The following MAGI2 variants were observed in gnomAD, a reference collection of about 807,000 sequenced individuals.
The protein encoded by MAGI2 is membrane-associated guanylate kinase, WW and PDZ domain-containing protein 2.
Under a neutral mutation model 133.3 loss-of-function variants are expected in MAGI2, and 35 were observed. The ratio of observed to expected loss-of-function variants is 0.26; its 90% CI spans 0.20 to 0.35. The LOEUF (loss-of-function observed/expected upper bound fraction) is 0.35. Ranked by LOEUF, MAGI2 falls within the 10% of genes least tolerant of loss-of-function variation. The probability of loss-of-function intolerance (pLI) is 1.00; values close to 1 mark genes in which losing one functional copy is unlikely to be tolerated. For missense variants in MAGI2, 1,636 were observed against 1,863.4 expected (o/e 0.88, Z 2.25); for synonymous variants, 729 against 710.6 (o/e 1.03, Z -0.41).
intron 1 of MAGI2, among the ~76,000 whole-genome samples, chr7:79,352,386 G>C (rs1025841806): frequency 6.6e-6 from 1 of 152,190 alleles, no homozygotes; most frequent in African/African-American, 2.4e-5. Flanking sequence ...AGTCCAAAAA[G>C]ACAGCTTTCT....
intron 2 of MAGI2, among the ~76,000 whole-genome samples, chr7:78,958,403 C>T (rs1040425804): frequency 5.3e-5 from 8 of 152,136 alleles, no homozygotes; most frequent in Non-Finnish European, 8.8e-5. Flanking sequence ...ATGTGTGTGA[C>T]AGTTCTTATT....
chr7:78,378,822 G>A (rs1794677873), intron 6 of MAGI2, among the ~76,000 whole-genome samples: 1 of 151,726 alleles, frequency 6.6e-6, no homozygotes, highest in East Asian at 1.9e-4. Flanking sequence ...ATGAAAGGTG[G>A]GGACAAAGAT....
intron 1 of MAGI2, among the ~76,000 whole-genome samples, chr7:79,203,434 C>T (rs1828779710): frequency 6.6e-6 from 1 of 152,004 alleles, no homozygotes; most frequent in South Asian, 2.1e-4. Context: ...TTTTAATCCT[C>T]CTTCCTCTCT....
At chr7:78,293,036 T>C (rs1412479676) in intron 9 of MAGI2, among the ~76,000 whole-genome samples, 1 of 152,200 alleles carries the variant, frequency 6.6e-6, no homozygotes, top group Non-Finnish European at 1.5e-5. Flanking sequence ...GAAGACTTTA[T>C]GACTGAAACA....
rs566396520 is a variant in MAGI2, at chr7:78,832,795, C to A, written c.418+174295G>T. Among the ~76,000 whole-genome samples, 4 of 152,264 alleles carry A rather than the reference C, an allele frequency of 2.6e-5. No homozygotes were observed. The South Asian group carries it at 8.3e-4, about 32-fold the overall frequency. The stretch of plus-strand genomic sequence containing the variant: ...TTGGACTGCCAGAACGAGCCAACAG[C>A]ATGTGATGTGCTTCCCCCTGCAGAG... On this transcript the variant is annotated intron_variant, in intron 2 of 21. Coordinates refer to ENST00000354212, the MANE Select transcript of MAGI2 (RefSeq NM_012301.4).
intron 1 of MAGI2, among the ~76,000 whole-genome samples, chr7:79,149,689 G>C (rs1379287058): frequency 6.6e-6 from 1 of 152,034 alleles, no homozygotes; most frequent in African/African-American, 2.4e-5. Context: ...CAAGATCCAG[G>C]GAACCTCAGG....
At chr7:79,365,291 A>C (rs1842626557) in intron 1 of MAGI2, among the ~76,000 whole-genome samples, 1 of 152,340 alleles carries the variant, frequency 6.6e-6, no homozygotes, top group South Asian at 2.1e-4. Context: ...TTGAAGGGAT[A>C]CAAAATGGTA....
intron 2 of MAGI2, among the ~76,000 whole-genome samples, chr7:78,745,901 A>G (rs1002740130): frequency 3.9e-5 from 6 of 152,146 alleles, no homozygotes; most frequent in Non-Finnish European, 1.5e-5. Context: ...TAATTTTTCA[A>G]TGGATCTCTT....
intron 3 of MAGI2, among the ~76,000 whole-genome samples, chr7:78,566,384 G>C (rs1410060593): frequency 6.6e-6 from 1 of 151,926 alleles, no homozygotes; most frequent in Non-Finnish European, 1.5e-5. Flanking sequence ...TGAGAATGGC[G>C]GTTGGAACAG....
intron 10 of MAGI2, among the ~76,000 whole-genome samples, chr7:78,207,836 A>G (rs1787259597): frequency 6.6e-6 from 1 of 152,144 alleles, no homozygotes; most frequent in Non-Finnish European, 1.5e-5. Flanking sequence ...AATTTCACAT[A>G]ACTACCATCT....
chr7:78,811,544 G>A (rs1193396561), intron 2 of MAGI2, among the ~76,000 whole-genome samples: 1 of 151,930 alleles, frequency 6.6e-6, no homozygotes, highest in Non-Finnish European at 1.5e-5. Context: ...TCTTTATAAA[G>A]GTCATTTATT....
intron 1 of MAGI2, among the ~76,000 whole-genome samples, chr7:79,075,367 A>C (rs1254188438): frequency 6.6e-6 from 1 of 152,168 alleles, no homozygotes; most frequent in East Asian, 1.9e-4. Context: ...AGTTGGAGTC[A>C]GCTTGTGGGT....
intron 6 of MAGI2, among the ~76,000 whole-genome samples, chr7:78,401,715 G>A (rs7793461): frequency 0.061 from 9,227 of 151,882 alleles, 333 homozygotes; most frequent in South Asian, 0.09. Flanking sequence ...AGAATACATC[G>A]ACAGCTGTTA....
chr7:79,112,034 T>A (rs1818971305), intron 1 of MAGI2, among the ~76,000 whole-genome samples: 1 of 152,108 alleles, frequency 6.6e-6, no homozygotes, highest in East Asian at 1.9e-4. Context: ...TAGTACTCCA[T>A]GCTGTGTCAG....
At chr7:78,508,262 A>G (rs372338558) in intron 4 of MAGI2, among the ~76,000 whole-genome samples, 5 of 151,534 alleles carry the variant, frequency 3.3e-5, no homozygotes, top group African/African-American at 7.3e-5. Context: ...GGACTTCACC[A>G]TATGAATCTG....
At chr7:78,741,969 G>A (rs1822479606) in intron 2 of MAGI2, among the ~76,000 whole-genome samples, 2 of 151,636 alleles carry the variant, frequency 1.3e-5, no homozygotes, top group Non-Finnish European at 2.9e-5. Flanking sequence ...CCTGATTACT[G>A]TCCTTTGATT....
intron 2 of MAGI2, among the ~76,000 whole-genome samples, chr7:78,868,785 C>G (rs1478646529): frequency 6.6e-6 from 1 of 151,604 alleles, no homozygotes; most frequent in Non-Finnish European, 1.5e-5. Flanking sequence ...ACAGAGTCTT[C>G]CTCTGTCGCC....
chr7:78,667,605 T>A (rs1029520055), intron 2 of MAGI2, among the ~76,000 whole-genome samples: 11 of 149,998 alleles, frequency 7.3e-5, no homozygotes, highest in African/African-American at 2.7e-4. Context: ...GTGTTCTCAT[T>A]GTTCAATTCC....
chr7:78,063,837 CCT>C (rs1365525977), intron 21 of MAGI2, among the ~76,000 whole-genome samples: 1 of 152,168 alleles, frequency 6.6e-6, no homozygotes, highest in Non-Finnish European at 1.5e-5. Flanking sequence ...TAATTATCTC[CCT>C]GTCTTCCATC....
Sources: allele counts gnomAD v4.1 joint callset (sites outside exome capture counted in the v4.1 genomes callset), GRCh38; gene constraint gnomAD v4.1.1; transcripts MANE v1.5; gene names NCBI Gene and HGNC (gene_info 2026-07-23, HGNC 2026-07-21).